BTBD7: variants seen among roughly 807,000 people sequenced by gnomAD.
BTBD7 encodes BTB/POZ domain-containing protein 7.
Under a neutral mutation model 99.9 loss-of-function variants are expected in BTBD7, and 38 were observed. The observed-to-expected ratio is 0.38, with a 90% CI of 0.29 to 0.50. The LOEUF (loss-of-function observed/expected upper bound fraction) is 0.50. Among genes scored for constraint, BTBD7 ranks in the 20% least tolerant of loss-of-function variants. The probability of loss-of-function intolerance (pLI) is 0.93; values close to 1 mark genes in which losing one functional copy is unlikely to be tolerated. For synonymous variants in BTBD7, 520 were observed against 511.4 expected (o/e 1.02, Z -0.23); for missense variants, 1,170 against 1,394.6 (o/e 0.84, Z 2.57).
At chr14:93,255,138 TTC>T (rs1474273665) in intron 6 of BTBD7, among the ~76,000 whole-genome samples, 1 of 152,194 alleles carries the variant, frequency 6.6e-6, no homozygotes, top group Non-Finnish European at 1.5e-5. Flanking sequence ...CCTTCCAGTC[TTC>T]TCTTTTTCCT....
At chr14:93,243,124 A>G (rs1048922548) in intron 10 of BTBD7, 36 bp from the exon 11 acceptor site, 16 of 1,541,440 alleles carry the variant, frequency 1.0e-5, no homozygotes, top group Non-Finnish European at 1.4e-5. Context: ...GAGGGTTAAA[A>G]AAAGGACCCA....
At chr14:93,313,865 C>CT (rs1233546034) in intron 1 of BTBD7, among the ~76,000 whole-genome samples, 2 of 152,102 alleles carry the variant, frequency 1.3e-5, no homozygotes, top group Admixed American at 6.6e-5. Flanking sequence ...TCCCAAGTAG[C>CT]TAGGACTATA....
intron 3 of BTBD7, among the ~76,000 whole-genome samples, chr14:93,284,371 G>A (rs751345346): frequency 4.0e-5 from 6 of 151,322 alleles, no homozygotes; most frequent in Admixed American, 6.6e-5. Context: ...TTCATATTTT[G>A]TTCCTATTCT....
chr14:93,306,930 G>C (rs1477872941), intron 1 of BTBD7, among the ~76,000 whole-genome samples: 1 of 152,056 alleles, frequency 6.6e-6, no homozygotes, highest in Non-Finnish European at 1.5e-5. Context: ...TGTCTTCCCT[G>C]AACAGATGAT....
At chr14:93,285,228 G>GACA (rs1432472755) in intron 3 of BTBD7, among the ~76,000 whole-genome samples, 2 of 152,116 alleles carry the variant, frequency 1.3e-5, no homozygotes, top group East Asian at 3.9e-4. Context: ...AGTGAGTGGG[G>GACA]ACAGTAAGTC....
At chr14:93,328,658 C>T (rs1403232532) in intron 1 of BTBD7, among the ~76,000 whole-genome samples, 1 of 148,272 alleles carries the variant, frequency 6.7e-6, no homozygotes, top group Non-Finnish European at 1.5e-5. Context: ...GTGGCTCACA[C>T]CTGTAATCCC....
rs115757099 is a variant in BTBD7 at position 93,242,224 on chromosome 14, T to C, written c.*49A>G. 1.3e-3 allele frequency: 2,061 copies of C among 1,541,930 alleles called. 22 individuals carry two copies. The African/African-American group carries it at 0.025, about 19-fold the overall frequency. ...GTCTGTAAGTTGTTGGGTTACATCA[T>C]AAAATGGGATGTTTCACATCTCAGG... On this transcript the variant is annotated 3_prime_UTR_variant, in exon 11 of 11. Coordinates refer to ENST00000334746, the MANE Select transcript of BTBD7 (RefSeq NM_001002860.4).
intron 1 of BTBD7, among the ~76,000 whole-genome samples, chr14:93,327,066 C>T (rs931904637): frequency 6.6e-6 from 1 of 152,168 alleles, no homozygotes; most frequent in Non-Finnish European, 1.5e-5. Flanking sequence ...GAGGCTGAGG[C>T]AGGAGGCTTG....
chr14:93,245,728 G>C, intron 10 of BTBD7, 97 bp downstream of exon 10: 1 of 1,520,552 alleles, frequency 6.6e-7, no homozygotes, highest in Non-Finnish European at 8.8e-7. Context: ...ATACTTCTGG[G>C]CACTGCTGAG....
At chr14:93,300,784 A>ATG (rs1345933223) in intron 1 of BTBD7, among the ~76,000 whole-genome samples, 3 of 70,198 alleles carry the variant, frequency 4.3e-5, no homozygotes, top group Non-Finnish European at 8.4e-5. Context: ...ATATATATAT[A>ATG]TATTTTTTTT....
intron 6 of BTBD7, 198 bp downstream of exon 6, chr14:93,256,997 C>A (rs2052437473): frequency 1.8e-6 from 1 of 545,208 alleles, no homozygotes; most frequent in Admixed American, 3.5e-5. Context: ...ACTCAACTCT[C>A]ATTCACTGAA....
At chr14:93,247,537 G>A (rs2052326971) in intron 9 of BTBD7, among the ~76,000 whole-genome samples, 1 of 152,166 alleles carries the variant, frequency 6.6e-6, no homozygotes, top group Non-Finnish European at 1.5e-5. Flanking sequence ...GTACAGACAG[G>A]GTTTCACCAT....
intron 6 of BTBD7, chr14:93,256,557 T>G (rs910972327): frequency 1.3e-5 from 2 of 152,134 alleles, no homozygotes; most frequent in African/African-American, 4.8e-5. Context: ...TAGCTGGGAT[T>G]ATAGGCATGC....
chr14:93,276,535 G>A (rs1326702899), intron 3 of BTBD7, among the ~76,000 whole-genome samples: 1 of 152,146 alleles, frequency 6.6e-6, no homozygotes, highest in Non-Finnish European at 1.5e-5. Context: ...ACCAGGCTAT[G>A]GAAGCTGCCA....
At chr14:93,261,569 G>C in intron 5 of BTBD7, 33 bp downstream of exon 5, 1 of 1,520,062 alleles carries the variant, frequency 6.6e-7, no homozygotes. Flanking sequence ...TTTTACACAA[G>C]GTAACTAGTG....
intron 1 of BTBD7, among the ~76,000 whole-genome samples, chr14:93,302,339 G>A (rs1030003756): frequency 2.0e-5 from 3 of 152,008 alleles, no homozygotes; most frequent in African/African-American, 7.2e-5. Context: ...GGGAATGTAC[G>A]AAAAAATGCT....
At chr14:93,297,451 T>C (rs1239887650) in intron 1 of BTBD7, among the ~76,000 whole-genome samples, 1 of 152,196 alleles carries the variant, frequency 6.6e-6, no homozygotes, top group Non-Finnish European at 1.5e-5. Context: ...GCCTCCTGAG[T>C]AGCTGGGACT....
chr14:93,271,842 CA>C (rs1329240192), intron 3 of BTBD7, among the ~76,000 whole-genome samples: 8 of 151,262 alleles, frequency 5.3e-5, no homozygotes. Context: ...CTTGTCTCTA[CA>C]AAAAATACAA....
At chr14:93,327,637 T>C (rs1201439490) in intron 1 of BTBD7, among the ~76,000 whole-genome samples, 8 of 152,140 alleles carry the variant, frequency 5.3e-5, no homozygotes, top group Non-Finnish European at 1.2e-4. Flanking sequence ...CTGAACATAA[T>C]CAAGGTCTTA....
Sources: gnomAD v4.1 joint callset for allele counts (sites outside exome capture counted in the v4.1 genomes callset) on GRCh38, gnomAD v4.1.1 for gene constraint, MANE v1.5 for transcripts, NCBI Gene and HGNC (gene_info 2026-07-23, HGNC 2026-07-21) for gene names.